Variants in NBAS observed in about 807,000 individuals in gnomAD.
NBAS encodes the protein NAG/BC035112 fusion.
A neutral mutation model predicts 302.5 loss-of-function variants in NBAS; 219 were observed. That is an observed-to-expected ratio of 0.72 (90% CI 0.65 to 0.81). The LOEUF (loss-of-function observed/expected upper bound fraction) is 0.81, where lower values mean the gene tolerates loss of function less well. Among genes scored for constraint, NBAS ranks in the 30% least tolerant of loss-of-function variants. The pLI, the probability that NBAS is intolerant of heterozygous loss-of-function variation, is 0.00. For missense variants in NBAS, 2,932 were observed against 2,841.6 expected, an observed-to-expected ratio of 1.03 and a Z score of -0.72; for synonymous variants, 1,118 against 1,021.6, an observed-to-expected ratio of 1.09 and a Z score of -1.80.
the NBAS span, among the ~76,000 whole-genome samples, chr2:14,782,336 G>C: frequency 1.3e-5 from 2 of 151,988 alleles, no homozygotes; most frequent in African/African-American, 2.4e-5. Context: ...ACATACATGT[G>C]GCCAACAAGC....
intron 43 of NBAS, among the ~76,000 whole-genome samples, chr2:15,276,164 T>C (rs1669574632): frequency 6.6e-6 from 1 of 152,194 alleles, no homozygotes; most frequent in Non-Finnish European, 1.5e-5. Context: ...TTACATTTCT[T>C]TGTTATTTAT....
intron 44 of NBAS, among the ~76,000 whole-genome samples, chr2:15,255,351 C>T (rs1449173310): frequency 6.6e-6 from 1 of 152,096 alleles, no homozygotes; most frequent in Non-Finnish European, 1.5e-5. Context: ...TTTTTGGCCA[C>T]TGGTGTATCT....
intron 21 of NBAS, among the ~76,000 whole-genome samples, chr2:15,454,578 T>C (rs1322712390): frequency 1.3e-5 from 2 of 152,220 alleles, no homozygotes; most frequent in Non-Finnish European, 2.9e-5. Context: ...TCCTTCTGCA[T>C]GTTACAGCAT....
intron 42 of NBAS, among the ~76,000 whole-genome samples, chr2:15,283,935 T>C (rs1669931991): frequency 6.6e-6 from 1 of 152,106 alleles, no homozygotes; most frequent in South Asian, 2.1e-4. Context: ...TCCACCAACA[T>C]GTCTAGAATA....
At position 15,558,622 on chromosome 2, in the gene NBAS, G is replaced by C. The variant is rs77081203; in HGVS notation, c.130C>G (p.Gln44Glu). ...ATGATAAAGGATGCACCATGTTTTTGGTTGCCTCTAGGCTGGAATTTAAAA... is the reference window on the plus strand; with the variant it reads ...ATGATAAAGGATGCACCATGTTTTTCGTTGCCTCTAGGCTGGAATTTAAAA... ...PETEVQPRGN[Q>E]KHGASFIITK... Residue 44 changes from glutamine to glutamate, a missense_variant, in exon 2 of 52, where the codon CAA (glutamine) becomes GAA (glutamate). Gln to Glu is a conservative substitution (Grantham distance 29). Coordinates refer to ENST00000281513, the MANE Select transcript of NBAS (RefSeq NM_015909.4). 2.8e-3 allele frequency: 4,453 copies of C among 1,612,528 alleles called. 110 individuals carry two copies. In the East Asian group the frequency reaches 0.048, roughly 17 times the overall value.
At chr2:15,303,170 T>A (rs948806084) in intron 40 of NBAS, among the ~76,000 whole-genome samples, 14 of 152,340 alleles carry the variant, frequency 9.2e-5, no homozygotes, top group African/African-American at 3.1e-4. Flanking sequence ...ACATATATCC[T>A]ATTCCTTCTG....
chr2:14,883,683 A>C, the NBAS span, among the ~76,000 whole-genome samples: 3 of 152,202 alleles, frequency 2.0e-5, no homozygotes, highest in Middle Eastern at 3.4e-3. Flanking sequence ...TCCCCCAGAA[A>C]TGACTGCTAA....
At chr2:15,366,817 TAAGTAAAAGTAA>T (rs1674232807) in intron 31 of NBAS, 124 bp from the exon 32 acceptor site, 1 of 837,636 alleles carries the variant, frequency 1.2e-6, no homozygotes, top group Admixed American at 2.0e-5. Context: ...GAAGGAGAAT[TAAGTAAAAGTAA>T]AAGGCACGTT....
At chr2:14,964,233 C>T in the NBAS span, among the ~76,000 whole-genome samples, 16 of 152,218 alleles carry the variant, frequency 1.1e-4, no homozygotes, top group East Asian at 3.9e-4. Flanking sequence ...CTGACACAGA[C>T]GTTGGGATTA....
At chr2:15,199,476 A>G (rs552148883) in intron 48 of NBAS, among the ~76,000 whole-genome samples, 21 of 152,338 alleles carry the variant, frequency 1.4e-4, no homozygotes, top group Middle Eastern at 3.4e-3. Flanking sequence ...TTCATAAAGT[A>G]TGAGGAGTAC....
At chr2:15,261,374 G>A (rs925903352) in intron 44 of NBAS, among the ~76,000 whole-genome samples, 2 of 152,044 alleles carry the variant, frequency 1.3e-5, no homozygotes, top group African/African-American at 2.4e-5. Flanking sequence ...TGAAAGTTAA[G>A]TTTTAAAATT....
chr2:14,907,964 C>T, the NBAS span, among the ~76,000 whole-genome samples: 4 of 152,184 alleles, frequency 2.6e-5, no homozygotes, highest in Non-Finnish European at 5.9e-5. Flanking sequence ...TCCAAGTATC[C>T]TCTCCGAATC....
chr2:15,360,220 C>G (rs929729918), intron 32 of NBAS, among the ~76,000 whole-genome samples: 2 of 151,270 alleles, frequency 1.3e-5, no homozygotes, highest in African/African-American at 4.9e-5. Flanking sequence ...GAGGATATGA[C>G]TGTACACTAC....
chr2:14,998,971 T>C, the NBAS span, among the ~76,000 whole-genome samples: 1 of 152,144 alleles, frequency 6.6e-6, no homozygotes, highest in South Asian at 2.1e-4. Flanking sequence ...CAGGTGAGCA[T>C]ACAATGCTCA....
the NBAS span, among the ~76,000 whole-genome samples, chr2:15,036,335 G>A: frequency 2.0e-5 from 3 of 152,114 alleles, no homozygotes; most frequent in Non-Finnish European, 4.4e-5. Flanking sequence ...TGTGCTAGAA[G>A]GTGTACTAGA....
chr2:15,440,774 T>C (rs1678346785), intron 21 of NBAS, among the ~76,000 whole-genome samples: 1 of 152,026 alleles, frequency 6.6e-6, no homozygotes, highest in South Asian at 2.1e-4. Flanking sequence ...TTTAGACGAA[T>C]GTATAACTAG....
At chr2:15,059,203 A>G in the NBAS span, among the ~76,000 whole-genome samples, 4 of 152,198 alleles carry the variant, frequency 2.6e-5, no homozygotes, top group Admixed American at 6.5e-5. Flanking sequence ...GACAATTTGT[A>G]AACTCCAGTG....
intron 25 of NBAS, among the ~76,000 whole-genome samples, chr2:15,412,927 A>G (rs1414669186): frequency 2.0e-5 from 3 of 152,190 alleles, no homozygotes; most frequent in Non-Finnish European, 4.4e-5. Context: ...CCCAAGCCCA[A>G]TCCAAAACTA....
chr2:15,538,701 T>C (rs115995563), intron 7 of NBAS, among the ~76,000 whole-genome samples: 72 of 152,268 alleles, frequency 4.7e-4, no homozygotes, highest in Non-Finnish European at 9.1e-4. Flanking sequence ...ACAAAAGTCA[T>C]TTTGTTCCCA....
Sources: gnomAD v4.1 joint callset for allele counts (sites outside exome capture counted in the v4.1 genomes callset) on GRCh38, gnomAD v4.1.1 for gene constraint, MANE v1.5 for transcripts, NCBI Gene and HGNC (gene_info 2026-07-23, HGNC 2026-07-21) for gene names.